The following ERG variants were observed in gnomAD, a reference collection of about 807,000 sequenced individuals.
ERG encodes transcriptional regulator ERG.
ERG carries 9 observed loss-of-function variants against 55.3 expected under a neutral mutation model. That is an observed-to-expected ratio of 0.16 (90% confidence interval 0.10 to 0.28). The LOEUF (loss-of-function observed/expected upper bound fraction) is 0.28. Among genes scored for constraint, ERG ranks in the 10% least tolerant of loss-of-function variants. The probability of loss-of-function intolerance (pLI) is 1.00; values close to 1 mark genes in which losing one functional copy is unlikely to be tolerated. For missense variants in ERG, 434 were observed against 631.6 expected (o/e 0.69, Z 3.35); for synonymous variants, 223 against 237.3 (o/e 0.94, Z 0.55).
chr21:38,526,222 G>A (rs980095013), intron 2 of ERG, among the ~76,000 whole-genome samples: 2 of 152,160 alleles, frequency 1.3e-5, no homozygotes, highest in African/African-American at 4.8e-5. Context: ...TCCATGAGTG[G>A]ACTAAATTCT....
At chr21:38,416,473 T>C (rs1345168956) in intron 3 of ERG, among the ~76,000 whole-genome samples, 1 of 152,222 alleles carries the variant, frequency 6.6e-6, no homozygotes, top group Non-Finnish European at 1.5e-5. Flanking sequence ...GAAACTTAAG[T>C]ACAGCATCTT....
chr21:38,627,729 T>C (rs974742965), intron 1 of ERG, among the ~76,000 whole-genome samples: 1 of 152,192 alleles, frequency 6.6e-6, no homozygotes, highest in Admixed American at 6.5e-5. Flanking sequence ...TTTTGTCCCA[T>C]GTTTTTAAAG....
At chr21:38,547,709 T>C (rs1358524330) in intron 2 of ERG, among the ~76,000 whole-genome samples, 2 of 152,226 alleles carry the variant, frequency 1.3e-5, no homozygotes, top group African/African-American at 4.8e-5. Flanking sequence ...TATAACCACA[T>C]ATAGGTATGA....
upstream of ERG, among the ~76,000 whole-genome samples, chr21:38,585,140 A>C (rs2060054265): frequency 6.6e-6 from 1 of 152,244 alleles, no homozygotes; most frequent in African/African-American, 2.4e-5. Context: ...GCCCAGCATT[A>C]TGAAGCAAAA....
intron 2 of ERG, among the ~76,000 whole-genome samples, chr21:38,503,510 T>A (rs2059436677): frequency 6.6e-6 from 1 of 151,394 alleles, no homozygotes; most frequent in African/African-American, 2.4e-5. Flanking sequence ...AAGCCAGGAT[T>A]ACAGGGCTCT....
intron 1 of ERG, among the ~76,000 whole-genome samples, chr21:38,620,595 T>A (rs1423858494): frequency 6.6e-6 from 1 of 152,182 alleles, no homozygotes; most frequent in Non-Finnish European, 1.5e-5. Flanking sequence ...AATATCCCCA[T>A]CACCAAGATT....
intron 2 of ERG, among the ~76,000 whole-genome samples, chr21:38,526,247 TC>T (rs1203415999): frequency 2.0e-5 from 3 of 152,166 alleles, no homozygotes; most frequent in Non-Finnish European, 4.4e-5. Context: ...AAACAGGAAC[TC>T]AAATCCAGTA....
intron 2 of ERG, among the ~76,000 whole-genome samples, chr21:38,536,095 G>A (rs1157695633): frequency 6.6e-6 from 1 of 152,034 alleles, no homozygotes; most frequent in Non-Finnish European, 1.5e-5. Flanking sequence ...TCTACTCCTA[G>A]GGATGGAGTA....
At chr21:38,491,452 A>C (rs2146676713) in intron 1 of ERG, among the ~76,000 whole-genome samples, 1 of 152,394 alleles carries the variant, frequency 6.6e-6, no homozygotes, top group Admixed American at 6.5e-5. Context: ...GGAATGTGTT[A>C]AATGCAAGAG....
At chr21:38,431,695 A>C (rs372629443) in intron 2 of ERG, among the ~76,000 whole-genome samples, 14 of 152,356 alleles carry the variant, frequency 9.2e-5, no homozygotes, top group Admixed American at 3.9e-4. Flanking sequence ...TAAGCTACAT[A>C]CAAACCAGTT....
intron 2 of ERG, among the ~76,000 whole-genome samples, chr21:38,509,768 G>C (rs1266320811): frequency 2.0e-5 from 3 of 152,194 alleles, no homozygotes; most frequent in Non-Finnish European, 4.4e-5. Flanking sequence ...AGAAATAGGG[G>C]TGGTAAATGA....
intron 1 of ERG, among the ~76,000 whole-genome samples, chr21:38,622,406 T>C (rs536555405): frequency 4.5e-5 from 4 of 89,812 alleles, no homozygotes; most frequent in African/African-American, 1.9e-4. Context: ...ACACACTACA[T>C]GCTCATACAT....
At chr21:38,468,733 C>T in intron 1 of ERG, among the ~76,000 whole-genome samples, 1 of 152,062 alleles carries the variant, frequency 6.6e-6, no homozygotes, top group South Asian at 2.1e-4. Context: ...CGCCTGTAAT[C>T]CCAGCACTTT....
At chr21:38,485,506 C>T (rs2059275872) in intron 1 of ERG, among the ~76,000 whole-genome samples, 1 of 138,186 alleles carries the variant, frequency 7.2e-6, no homozygotes, top group East Asian at 2.2e-4. Flanking sequence ...TGTCACCAGA[C>T]TAGAGTGCTG....
At chr21:38,600,938 C>A (rs2060160990) in intron 1 of ERG, among the ~76,000 whole-genome samples, 3 of 152,174 alleles carry the variant, frequency 2.0e-5, no homozygotes, top group Non-Finnish European at 4.4e-5. Context: ...ATCTAACCCC[C>A]CCTGGAAATC....
intron 2 of ERG, among the ~76,000 whole-genome samples, chr21:38,532,030 A>T (rs1341995465): frequency 6.6e-6 from 1 of 152,206 alleles, no homozygotes; most frequent in Non-Finnish European, 1.5e-5. Flanking sequence ...ACAAAGTCAA[A>T]TTGTGTTGGT....
intron 1 of ERG, among the ~76,000 whole-genome samples, chr21:38,457,398 T>C (rs1007812452): frequency 2.0e-5 from 3 of 150,382 alleles, no homozygotes; most frequent in South Asian, 2.1e-4. Flanking sequence ...ATCATGCCAC[T>C]GCACTCTGGC....
chr21:38,624,288 C>T lies in ERG; in HGVS notation c.-150+37370G>A, dbSNP rs926966391. Among the ~76,000 whole-genome samples the T allele has an allele frequency of 1.1e-4, 13 of 118,678 alleles. No homozygotes were observed. In the East Asian group the frequency reaches 2.4e-3, roughly 22 times the overall value. The allele number at this position is 118,678 out of a possible 152,430, so 77.9% of individuals were successfully genotyped here. ...GGGAACATCACATACTGGGGCCTGT[C>T]GGGGGTGGGTGGGGGACAAGGGGAG... On this transcript the variant is annotated intron_variant, in intron 1 of 10. Transcript: ENST00000398910.
At chr21:38,426,887 G>A (rs1328740287) in intron 2 of ERG, among the ~76,000 whole-genome samples, 2 of 150,996 alleles carry the variant, frequency 1.3e-5, no homozygotes, top group Admixed American at 6.6e-5. Context: ...CCAAGACCAC[G>A]CCATTGCACC....
Sources: gnomAD v4.1 joint callset for allele counts (sites outside exome capture counted in the v4.1 genomes callset) on GRCh38, gnomAD v4.1.1 for gene constraint, MANE v1.5 for transcripts, NCBI Gene and HGNC (gene_info 2026-07-23, HGNC 2026-07-21) for gene names.